UBE2E2: variants seen among roughly 807,000 people sequenced by gnomAD.
UBE2E2 encodes ubiquitin conjugating enzyme E2 E2, also known as ubiquitin-conjugating enzyme E2 E2.
A neutral mutation model predicts 24.7 loss-of-function variants in UBE2E2; 6 were observed. The ratio of observed to expected loss-of-function variants is 0.24; its 90% CI spans 0.13 to 0.48. UBE2E2 has a LOEUF of 0.48. UBE2E2 is among the 20% of genes least tolerant of loss of function. The pLI, the probability that UBE2E2 is intolerant of heterozygous loss-of-function variation, is 0.99. For synonymous variants in UBE2E2, 104 were observed against 83.6 expected (o/e 1.24, Z -1.33); for missense variants, 169 against 245.0 (o/e 0.69, Z 2.07).
chr3:23,371,374 C>CA (rs981414805), intron 3 of UBE2E2, among the ~76,000 whole-genome samples: 8 of 152,110 alleles, frequency 5.3e-5, no homozygotes, highest in Non-Finnish European at 1.5e-5. Flanking sequence ...ATTAAATACC[C>CA]ATACCCTGCA....
chr3:23,363,008 A>G (rs1696161122), intron 3 of UBE2E2, among the ~76,000 whole-genome samples: 1 of 152,234 alleles, frequency 6.6e-6, no homozygotes, highest in East Asian at 1.9e-4. Flanking sequence ...ATTCTTAAAG[A>G]AAAGAAATTC....
intron 3 of UBE2E2, among the ~76,000 whole-genome samples, chr3:23,221,571 CT>C (rs1380136665): frequency 6.6e-6 from 1 of 151,994 alleles, no homozygotes; most frequent in Admixed American, 6.6e-5. Flanking sequence ...TTGTGTCTGG[CT>C]TTTAAAATTT....
At chr3:23,514,263 AGTT>A in intron 4 of UBE2E2, among the ~76,000 whole-genome samples, 1 of 152,342 alleles carries the variant, frequency 6.6e-6, no homozygotes, top group Middle Eastern at 3.4e-3. Context: ...GTGCCACACT[AGTT>A]GTTGCTGTCA....
At chr3:23,273,541 AAAAG>A (rs1559329215) in intron 3 of UBE2E2, among the ~76,000 whole-genome samples, 1 of 151,966 alleles carries the variant, frequency 6.6e-6, no homozygotes, top group East Asian at 1.9e-4. Flanking sequence ...AAAAAAAAAA[AAAAG>A]AGAGAGAAAT....
intron 3 of UBE2E2, among the ~76,000 whole-genome samples, chr3:23,373,511 C>T (rs1696445680): frequency 6.6e-6 from 1 of 152,144 alleles, no homozygotes; most frequent in Non-Finnish European, 1.5e-5. Flanking sequence ...GTGAAAACAA[C>T]AGCCATGGAA....
chr3:23,294,706 A>G (rs1189169314), intron 3 of UBE2E2, among the ~76,000 whole-genome samples: 1 of 139,082 alleles, frequency 7.2e-6, no homozygotes, highest in African/African-American at 2.5e-5. Context: ...TTTATATAAT[A>G]TATTATAAAA....
At chr3:23,580,412 T>G (rs1696449581) in intron 5 of UBE2E2, among the ~76,000 whole-genome samples, 1 of 152,222 alleles carries the variant, frequency 6.6e-6, no homozygotes, top group African/African-American at 2.4e-5. Context: ...AGTAAAAAGA[T>G]TACGACTTAC....
intron 3 of UBE2E2, among the ~76,000 whole-genome samples, chr3:23,244,827 A>G (rs949746753): frequency 1.3e-5 from 2 of 152,172 alleles, no homozygotes; most frequent in African/African-American, 4.8e-5. Context: ...GAGCTCTTTT[A>G]TACAAATGAA....
intron 3 of UBE2E2, among the ~76,000 whole-genome samples, chr3:23,281,973 AAAATCATCCTAAAAGATT>A (rs1292409867): frequency 6.6e-6 from 1 of 152,216 alleles, no homozygotes; most frequent in Non-Finnish European, 1.5e-5. Flanking sequence ...TCTAGTCCTC[AAAATCATCCTAAAAGATT>A]GGAGGATTAT....
chr3:23,243,085 CAAAAA>C (rs559311463), intron 3 of UBE2E2, among the ~76,000 whole-genome samples: 10 of 118,420 alleles, frequency 8.4e-5, no homozygotes, highest in African/African-American at 3.2e-4. Flanking sequence ...GACGCTGTTT[CAAAAA>C]AAAAAAAGAA....
intron 3 of UBE2E2, among the ~76,000 whole-genome samples, chr3:23,451,619 A>G (rs190136001): frequency 6.6e-6 from 1 of 152,352 alleles, no homozygotes; most frequent in African/African-American, 2.4e-5. Flanking sequence ...ACTTTTTGCT[A>G]TAAGAAATCC....
chr3:23,466,201 A>G (rs1430999843), intron 3 of UBE2E2, among the ~76,000 whole-genome samples: 1 of 152,234 alleles, frequency 6.6e-6, no homozygotes, highest in African/African-American at 2.4e-5. Context: ...ATGATTTTTT[A>G]AAGTTGAGGT....
chr3:23,403,152 C>A (rs1697272126), intron 3 of UBE2E2, among the ~76,000 whole-genome samples: 1 of 152,188 alleles, frequency 6.6e-6, no homozygotes, highest in Admixed American at 6.5e-5. Flanking sequence ...TATTTGACTT[C>A]TTGAACAAAT....
rs10559253 is a variant in UBE2E2, at chr3:23,380,086, T to TAAAAAAA, written c.228-119510_228-119504dup. ...AAATGCTAAGAACATTTGATTACTG[T>TAAAAAAA]AAAAAAAAAAAAAAAAAACCCTGAA... On this transcript the variant is annotated intron_variant, in intron 3 of 5. Coordinates refer to ENST00000396703, the MANE Select transcript of UBE2E2 (RefSeq NM_152653.4). 1.6e-3 allele frequency among the ~76,000 whole-genome samples: 212 copies of TAAAAAAA among 136,290 alleles called. 2 individuals carry two copies. Among genetic ancestry groups the TAAAAAAA allele is most frequent in the African/African-American group, 5.4e-3 (201 of 36,970 alleles). The allele number at this position is 136,290 out of a possible 152,430, so 89.4% of individuals were successfully genotyped here.
At chr3:23,525,092 A>T (rs1222025733) in intron 4 of UBE2E2, among the ~76,000 whole-genome samples, 1 of 152,168 alleles carries the variant, frequency 6.6e-6, no homozygotes, top group African/African-American at 2.4e-5. Flanking sequence ...GGCCAACTAC[A>T]TTCCTTGGCT....
At chr3:23,551,861 C>T (rs1011133600) in intron 5 of UBE2E2, among the ~76,000 whole-genome samples, 2 of 152,184 alleles carry the variant, frequency 1.3e-5, no homozygotes, top group African/African-American at 4.8e-5. Flanking sequence ...TGTTGAAGCC[C>T]TAACTCCTAA....
At chr3:23,466,686 G>A (rs369192015) in intron 3 of UBE2E2, among the ~76,000 whole-genome samples, 1 of 152,064 alleles carries the variant, frequency 6.6e-6, no homozygotes, top group Admixed American at 6.6e-5. Context: ...TCCTGCCTCA[G>A]CCTCCTGAGT....
intron 3 of UBE2E2, among the ~76,000 whole-genome samples, chr3:23,234,966 A>T (rs1161513985): frequency 1.3e-5 from 2 of 152,192 alleles, no homozygotes; most frequent in Non-Finnish European, 2.9e-5. Flanking sequence ...TACTAGGTTA[A>T]GTGAAATGAG....
chr3:23,391,794 T>TTAGGGA (rs929502498), intron 3 of UBE2E2, among the ~76,000 whole-genome samples: 13 of 152,104 alleles, frequency 8.5e-5, no homozygotes, highest in African/African-American at 3.1e-4. Context: ...GTGAGTTCAG[T>TTAGGGA]TAGGGAGAGT....
Sources: allele counts gnomAD v4.1 joint callset (sites outside exome capture counted in the v4.1 genomes callset), GRCh38; gene constraint gnomAD v4.1.1; transcripts MANE v1.5; gene names NCBI Gene and HGNC (gene_info 2026-07-23, HGNC 2026-07-21).